The following ZNF735 variants were observed in gnomAD, a reference collection of about 807,000 sequenced individuals.
ZNF735 encodes zinc finger protein 735, also known as putative zinc finger protein 735.
Under a neutral mutation model 13.4 loss-of-function variants are expected in ZNF735, and 11 were observed. The observed-to-expected ratio is 0.82, with a 90% CI of 0.52 to 1.36. The LOEUF (loss-of-function observed/expected upper bound fraction) is 1.36. Among genes scored for constraint, ZNF735 ranks in the 40% most tolerant of loss-of-function variants. The probability of loss-of-function intolerance (pLI) is 0.00; values close to 1 mark genes in which losing one functional copy is unlikely to be tolerated. For missense variants in ZNF735, 500 were observed against 484.6 expected, an observed-to-expected ratio of 1.03 and a Z score of -0.30; for synonymous variants, 171 against 162.6, an observed-to-expected ratio of 1.05 and a Z score of -0.39.
intron 1 of ZNF735, among the ~76,000 whole-genome samples, chr7:64,207,735 T>C (rs1787306237): frequency 6.6e-6 from 1 of 152,154 alleles, no homozygotes; most frequent in South Asian, 2.1e-4. Context: ...ACGCCTGTAA[T>C]CCCAGCACTT....
intron 1 of ZNF735, 31 bp from the exon 2 acceptor site, chr7:64,213,061 T>G: frequency 1.3e-6 from 2 of 1,589,864 alleles, no homozygotes; most frequent in Non-Finnish European, 8.6e-7. Flanking sequence ...GGTAAGTGTG[T>G]GTTCATGAGG....
intron 1 of ZNF735, among the ~76,000 whole-genome samples, chr7:64,207,789 C>A (rs1787306953): frequency 6.6e-6 from 1 of 152,108 alleles, no homozygotes; most frequent in Non-Finnish European, 1.5e-5. Context: ...GTGTTCGAGA[C>A]CAGCATGACC....
intron 3 of ZNF735, among the ~76,000 whole-genome samples, chr7:64,218,639 C>T (rs1412393723): frequency 6.6e-6 from 1 of 151,722 alleles, no homozygotes; most frequent in Non-Finnish European, 1.5e-5. Flanking sequence ...TTTATAGTTG[C>T]TTTTCGAAAA....
At chr7:64,214,248 ATTTT>A (rs1192419334) in intron 3 of ZNF735, 140 bp downstream of exon 3, 1 of 913,618 alleles carries the variant, frequency 1.1e-6, no homozygotes, top group African/African-American at 1.7e-5. Flanking sequence ...TTTATTTTTT[ATTTT>A]TTTTATTTTT....
At chr7:64,217,032 G>A (rs1409120332) in intron 3 of ZNF735, among the ~76,000 whole-genome samples, 1 of 152,184 alleles carries the variant, frequency 6.6e-6, no homozygotes, top group East Asian at 1.9e-4. Flanking sequence ...TATTTGGTTT[G>A]TGATATGGTG....
exon 4 of ZNF735, chr7:64,219,476 A>C (rs765834831): frequency 6.2e-7 from 1 of 1,613,534 alleles, no homozygotes; most frequent in Non-Finnish European, 8.5e-7. Flanking sequence ...AAAGGAGGTT[A>C]TAATGACCTT....
chr7:64,215,868 T>C (rs1787413799), intron 3 of ZNF735, among the ~76,000 whole-genome samples: 1 of 152,202 alleles, frequency 6.6e-6, no homozygotes, highest in Non-Finnish European at 1.5e-5. Flanking sequence ...TTTTGTTCTA[T>C]CATGTCTTTA....
intron 1 of ZNF735, among the ~76,000 whole-genome samples, chr7:64,212,162 G>A (rs1787368388): frequency 6.6e-6 from 1 of 152,130 alleles, no homozygotes; most frequent in Non-Finnish European, 1.5e-5. Flanking sequence ...TAATCTGGAA[G>A]CTGTCCTTTC....
chr7:64,210,170 GC>G (rs1215288943), intron 1 of ZNF735, among the ~76,000 whole-genome samples: 3 of 152,266 alleles, frequency 2.0e-5, no homozygotes, highest in African/African-American at 7.2e-5. Flanking sequence ...ATGCTCCTGA[GC>G]ACATAGTACC....
Position 64,219,784 on chromosome 7 carries a change from G to T in ZNF735, c.733G>T (p.Glu245Ter). The change falls in exon 4 of 4, where the codon GAA becomes TAA. Residue 245 changes from glutamate (E) to a stop codon, truncating the protein, a stop_gained. Coordinates refer to ENST00000429565, the Ensembl canonical transcript of ZNF735. LOFTEE classifies it low-confidence loss of function (END_TRUNC). ...TGGAGAGAAACCCTACAGATGTGAG[G>T]AATGTGGCAAAGCCTTTAGGTGGCC... 1 of 1,612,080 alleles carries T rather than the reference G, an allele frequency of 6.2e-7. No individual in the cohort carries two copies. Among genetic ancestry groups the T allele is most frequent in the South Asian group, 1.1e-5 (1 of 90,894 alleles).
exon 2 of ZNF735, chr7:64,213,205 C>G: frequency 6.2e-7 from 1 of 1,603,942 alleles, no homozygotes; most frequent in South Asian, 1.1e-5. Context: ...ACTACAGAAA[C>G]CTGTTCTCCC....
intron 1 of ZNF735, among the ~76,000 whole-genome samples, chr7:64,209,745 A>G (rs1787334892): frequency 6.6e-6 from 1 of 152,110 alleles, no homozygotes. Flanking sequence ...TTTTAATTGT[A>G]ACATTAGATT....
exon 4 of ZNF735, chr7:64,220,165 A>G (rs773604781): frequency 1.2e-6 from 2 of 1,613,222 alleles, no homozygotes; most frequent in Non-Finnish European, 1.7e-6. Context: ...AAAGGCACAT[A>G]AGAGAATTCA....
chr7:64,214,065 G>A lies in ZNF735; in HGVS notation c.219G>A (p.Glu73=), dbSNP rs537150000. ...TCGCCTGTCTGGAGCAAAATAAAGA[G>A]CCCCAGAATATAAAGAGAAATGAGA... is the stretch of plus-strand genomic sequence containing the variant. Residue 73 remains glutamate, a synonymous_variant, in exon 3 of 4, where the codon GAG becomes GAA. Coordinates refer to ENST00000429565, the Ensembl canonical transcript of ZNF735. 16 of 1,600,636 alleles carry A rather than the reference G, an allele frequency of 1.0e-5. No individual in the cohort carries two copies. The East Asian group carries it at 3.3e-4, about 34-fold the overall frequency.
At chr7:64,213,882 C>T (rs1787389118) in intron 2 of ZNF735, 131 bp from the exon 3 acceptor site, 1 of 786,218 alleles carries the variant, frequency 1.3e-6, no homozygotes, top group Non-Finnish European at 1.8e-6. Context: ...TTGCTTGCAC[C>T]TGGGAAGTGG....
At chr7:64,213,511 T>G (rs1415172721) in intron 2 of ZNF735, among the ~76,000 whole-genome samples, 1 of 152,240 alleles carries the variant, frequency 6.6e-6, no homozygotes, top group Non-Finnish European at 1.5e-5. Context: ...CAATGTTTGA[T>G]TCAGTAGTAC....
At chr7:64,213,636 A>G (rs1160707823) in intron 2 of ZNF735, among the ~76,000 whole-genome samples, 1 of 152,178 alleles carries the variant, frequency 6.6e-6, no homozygotes, top group Non-Finnish European at 1.5e-5. Flanking sequence ...TTTACTGAGC[A>G]TAATACTAGT....
Position 64,219,643 on chromosome 7 carries a change from T to C in ZNF735, c.592T>C (p.Ser198Pro), listed in dbSNP as rs1367055686. The change falls in exon 4 of 4, where the codon TCA becomes CCA. Residue 198 changes from serine to proline, a missense_variant. By Grantham distance (74) the Ser-to-Pro change is moderately conservative. Coordinates refer to ENST00000429565, the Ensembl canonical transcript of ZNF735. The stretch of plus-strand genomic sequence containing the variant: ...ATATGGCAAATCATTTTGCATGTTT[T>C]CACACCTAAATCAACATCAGATAAT... The C allele has an allele frequency of 2.5e-6, 4 of 1,581,088 alleles. 1 individual carries two copies. In the South Asian group the frequency reaches 4.5e-5, roughly 18 times the overall value.
rs759443213 is a variant in ZNF735 at position 64,219,486 on chromosome 7, T to G, written c.435T>G (p.Leu145=). The change falls in exon 4 of 4, where the codon CTT becomes CTG. Residue 145 remains leucine (L), a synonymous_variant. Coordinates refer to ENST00000429565, the Ensembl canonical transcript of ZNF735. The stretch of plus-strand genomic sequence containing the variant: ...TGCACAAAGGAGGTTATAATGACCT[T>G]AACCAATGTTTGTCAAATACCCAAA... The G allele has an allele frequency of 1.9e-6, 3 of 1,612,888 alleles. No individual in the cohort carries two copies. In the South Asian group the frequency reaches 3.3e-5, roughly 18 times the overall value.
Sources: gnomAD v4.1 joint callset for allele counts (sites outside exome capture counted in the v4.1 genomes callset) on GRCh38, gnomAD v4.1.1 for gene constraint, MANE v1.5 for transcripts, NCBI Gene and HGNC (gene_info 2026-07-23, HGNC 2026-07-21) for gene names.